Variants in SPATA31H1 observed in about 807,000 individuals in gnomAD.
The protein encoded by SPATA31H1 is SPATA31 subfamily H member 1, also known as spermatogenesis-associated protein 31H1.
the SPATA31H1 span, chr2:27,580,048 A>G: frequency 1.2e-6 from 2 of 1,614,190 alleles, no homozygotes; most frequent in Non-Finnish European, 1.7e-6. Flanking sequence ...CCTGAAGGCC[A>G]TGGTGAGGTT....
the SPATA31H1 span, among the ~76,000 whole-genome samples, chr2:27,538,548 G>A: frequency 2.8e-4 from 42 of 152,218 alleles, no homozygotes; most frequent in Admixed American, 2.7e-3. Flanking sequence ...AAAAGAGAAC[G>A]TAGCCGGGCG....
chr2:27,582,558 T>A, the SPATA31H1 span: 6 of 1,542,700 alleles, frequency 3.9e-6, no homozygotes, highest in African/African-American at 1.4e-5. Flanking sequence ...TTCATTGTCC[T>A]AAGTCTTCAT....
chr2:27,581,934 A>G, the SPATA31H1 span: 6 of 1,612,674 alleles, frequency 3.7e-6, no homozygotes, highest in Non-Finnish European at 5.1e-6. Context: ...TCCCTCAGAG[A>G]AAAGCCATCA....
the SPATA31H1 span, chr2:27,537,440 G>A: frequency 1.4e-6 from 1 of 717,284 alleles, no homozygotes; most frequent in Admixed American, 2.0e-5. Flanking sequence ...GCACCAATTT[G>A]GGGGATGGAC....
chr2:27,545,269 C>T, the SPATA31H1 span, among the ~76,000 whole-genome samples: 5 of 151,996 alleles, frequency 3.3e-5, no homozygotes, highest in Middle Eastern at 0.01. Flanking sequence ...GTGATCTGCC[C>T]GCCTTGGCCT....
chr2:27,542,690 G>C, the SPATA31H1 span, among the ~76,000 whole-genome samples: 1 of 151,814 alleles, frequency 6.6e-6, no homozygotes, highest in Non-Finnish European at 1.5e-5. Flanking sequence ...CAGCAATCTA[G>C]ATCTAGATTG....
At chr2:27,578,002 T>C in the SPATA31H1 span, 1 of 1,614,098 alleles carries the variant, frequency 6.2e-7, no homozygotes, top group Admixed American at 1.7e-5. Flanking sequence ...TTTATGAGGA[T>C]TAGTCCAGAG....
At chr2:27,567,415 C>T in the SPATA31H1 span, 16 of 466,328 alleles carry the variant, frequency 3.4e-5, no homozygotes, top group Non-Finnish European at 1.5e-5. Context: ...AAACCCCAAA[C>T]TCAGTTATCT....
At chr2:27,578,728 C>A in the SPATA31H1 span, 3 of 1,613,998 alleles carry the variant, frequency 1.9e-6, no homozygotes, top group Non-Finnish European at 2.5e-6. Context: ...AAGTTAACAT[C>A]AGAAGAGTTA....
the SPATA31H1 span, among the ~76,000 whole-genome samples, chr2:27,558,771 C>A: frequency 2.0e-5 from 2 of 98,986 alleles, no homozygotes; most frequent in African/African-American, 8.1e-5. Context: ...CGTGGCGGTG[C>A]GCGCCTGCAA....
At chr2:27,572,657 T>C in the SPATA31H1 span, 1 of 397,732 alleles carries the variant, frequency 2.5e-6, no homozygotes. Context: ...ACTCACAGCT[T>C]ACAAGTGTGA....
At chr2:27,580,008 A>T in the SPATA31H1 span, 1 of 1,614,150 alleles carries the variant, frequency 6.2e-7, no homozygotes, top group East Asian at 2.2e-5. Flanking sequence ...TTATCTTCTT[A>T]TCTATCCACA....
At chr2:27,566,339 T>A in the SPATA31H1 span, 14 of 717,418 alleles carry the variant, frequency 2.0e-5, no homozygotes, top group Admixed American at 1.8e-4. Context: ...CTCTGGTCAA[T>A]GGAGCGGAGC....
At chr2:27,581,637 C>A in the SPATA31H1 span, 1 of 1,612,212 alleles carries the variant, frequency 6.2e-7, no homozygotes, top group East Asian at 2.2e-5. Flanking sequence ...CCATTGCAGT[C>A]CCTCTGAGAG....
the SPATA31H1 span, chr2:27,582,578 C>T: frequency 6.6e-7 from 1 of 1,507,064 alleles, no homozygotes; most frequent in Non-Finnish European, 8.9e-7. Context: ...TCGTGCTGCC[C>T]TTTCCAGGCT....
the SPATA31H1 span, chr2:27,579,188 C>T: frequency 6.2e-7 from 1 of 1,614,106 alleles, no homozygotes; most frequent in Non-Finnish European, 8.5e-7. Context: ...GCAGACAACA[C>T]AATGTCTGGG....
chr2:27,561,981 G>T, the SPATA31H1 span, among the ~76,000 whole-genome samples: 1 of 152,194 alleles, frequency 6.6e-6, no homozygotes, highest in East Asian at 1.9e-4. Context: ...GATTACAGGC[G>T]TGAGTCACTT....
chr2:27,566,187 C>T, the SPATA31H1 span: 35 of 711,574 alleles, frequency 4.9e-5, 1 homozygote, highest in Non-Finnish European at 8.7e-5. Flanking sequence ...ACTTCCTTCA[C>T]TGTGATAGCT....
the SPATA31H1 span, chr2:27,571,226 TGAG>T: frequency 2.5e-6 from 1 of 398,462 alleles, no homozygotes; most frequent in Admixed American, 4.4e-5. Flanking sequence ...GTGTAAAACT[TGAG>T]GAGGTAACCC....
Sources: allele counts gnomAD v4.1 joint callset (sites outside exome capture counted in the v4.1 genomes callset), GRCh38; gene constraint gnomAD v4.1.1; transcripts MANE v1.5; gene names NCBI Gene and HGNC (gene_info 2026-07-23, HGNC 2026-07-21).